The following CPA6 variants were observed in gnomAD, a reference collection of about 807,000 sequenced individuals.
CPA6 encodes carboxypeptidase A6.
A neutral mutation model predicts 63.3 loss-of-function variants in CPA6; 58 were observed. The observed-to-expected ratio is 0.92, with a 90% CI of 0.74 to 1.14. The LOEUF (loss-of-function observed/expected upper bound fraction) is 1.14, where lower values mean the gene tolerates loss of function less well. CPA6 is among the 50% of genes most tolerant of loss of function. CPA6 has a pLI of 0.00. For synonymous variants in CPA6, 185 were observed against 179.0 expected, an observed-to-expected ratio of 1.03 and a Z score of -0.27; for missense variants, 565 against 526.6, an observed-to-expected ratio of 1.07 and a Z score of -0.71.
chr8:67,717,852 C>T (rs894347177), intron 1 of CPA6, among the ~76,000 whole-genome samples: 1 of 152,090 alleles, frequency 6.6e-6, no homozygotes, highest in African/African-American at 2.4e-5. Flanking sequence ...AGGGAGTTGG[C>T]CATAAACTGG....
At chr8:67,555,859 G>A (rs1011716152) in intron 2 of CPA6, among the ~76,000 whole-genome samples, 12 of 152,156 alleles carry the variant, frequency 7.9e-5, no homozygotes, top group African/African-American at 2.4e-4. Flanking sequence ...AAAACCATAC[G>A]CATATTATAT....
chr8:67,426,741 C>T (rs1037337941), intron 10 of CPA6, among the ~76,000 whole-genome samples: 1 of 152,182 alleles, frequency 6.6e-6, no homozygotes, highest in African/African-American at 2.4e-5. Context: ...CATATACATA[C>T]AACATGTGTG....
chr8:67,601,735 G>A lies in CPA6; in HGVS notation c.192+22441C>T, dbSNP rs565206919. On this transcript the variant is annotated intron_variant, in intron 2 of 10. Coordinates refer to ENST00000297770, the MANE Select transcript of CPA6 (RefSeq NM_020361.5). ...AAATAGCTTGATTGTACCATATGTT[G>A]GCAAGGGAGTAGCGAAATAGGAATT... is the stretch of plus-strand genomic sequence containing the variant. 9.7e-4 allele frequency among the ~76,000 whole-genome samples: 148 copies of A among 152,154 alleles called. 1 individual carries two copies. The highest frequency in any genetic ancestry group is 3.5e-3 in the African/African-American group (144 of 41,538).
intron 1 of CPA6, among the ~76,000 whole-genome samples, chr8:67,723,172 G>T (rs548407189): frequency 6.6e-6 from 1 of 151,756 alleles, no homozygotes; most frequent in Non-Finnish European, 1.5e-5. Context: ...TATTGTTCCC[G>T]TACTGATGGA....
chr8:67,588,864 G>T (rs1814021916), intron 2 of CPA6, among the ~76,000 whole-genome samples: 1 of 152,144 alleles, frequency 6.6e-6, no homozygotes, highest in African/African-American at 2.4e-5. Flanking sequence ...TTGGGGCCAG[G>T]GGTGGTGGCT....
intron 1 of CPA6, among the ~76,000 whole-genome samples, chr8:67,736,834 A>C (rs896382240): frequency 6.6e-6 from 1 of 152,198 alleles, no homozygotes; most frequent in Non-Finnish European, 1.5e-5. Flanking sequence ...TTCTCTGCAA[A>C]GGGCAGTCTA....
chr8:67,619,851 C>G (rs1815040452), intron 2 of CPA6, among the ~76,000 whole-genome samples: 1 of 152,236 alleles, frequency 6.6e-6, no homozygotes, highest in African/African-American at 2.4e-5. Flanking sequence ...GACCCTAACC[C>G]AACCTCCTTG....
chr8:67,668,153 C>T (rs759239741), intron 1 of CPA6, among the ~76,000 whole-genome samples: 30 of 152,226 alleles, frequency 2.0e-4, no homozygotes, highest in Non-Finnish European at 3.4e-4. Flanking sequence ...GCTCAACATG[C>T]TTTGCCTCCA....
chr8:67,546,835 C>CT (rs986955042), intron 2 of CPA6, among the ~76,000 whole-genome samples: 32 of 151,996 alleles, frequency 2.1e-4, no homozygotes, highest in African/African-American at 7.5e-4. Flanking sequence ...TTTACTTTAT[C>CT]TTTTTTCTGA....
rs563753582 is a variant in CPA6 at position 67,714,542 on chromosome 8, T to TA, written c.116+31471dup. The stretch of plus-strand genomic sequence containing the variant: ...AGGGAGACCCTGTCTCTAGAAAAGT[T>TA]AAAAAAAATCAGCCAGGTGTGGTGG... On this transcript the variant is annotated intron_variant, in intron 1 of 10. Transcript: ENST00000297770. 1.9e-4 allele frequency among the ~76,000 whole-genome samples: 29 copies of TA among 152,092 alleles called. No individual in the cohort carries two copies. The South Asian group carries it at 2.1e-3, about 11-fold the overall frequency.
At chr8:67,692,152 C>T (rs1011445710) in intron 1 of CPA6, among the ~76,000 whole-genome samples, 1 of 152,016 alleles carries the variant, frequency 6.6e-6, no homozygotes, top group Non-Finnish European at 1.5e-5. Context: ...GCCTGACCAA[C>T]GTGGAGAAAC....
At chr8:67,580,392 C>A (rs968065642) in intron 2 of CPA6, among the ~76,000 whole-genome samples, 45 of 152,168 alleles carry the variant, frequency 3.0e-4, no homozygotes, top group African/African-American at 1.0e-3. Flanking sequence ...ATTAGCTTTG[C>A]CTTTCAGTAA....
At chr8:67,603,992 C>G (rs1469293291) in intron 2 of CPA6, among the ~76,000 whole-genome samples, 1 of 152,062 alleles carries the variant, frequency 6.6e-6, no homozygotes, top group Non-Finnish European at 1.5e-5. Flanking sequence ...GGTGTGTGAA[C>G]AGTAATTTGA....
intron 8 of CPA6, among the ~76,000 whole-genome samples, chr8:67,471,896 GA>G (rs1219173958): frequency 6.6e-6 from 1 of 152,142 alleles, no homozygotes; most frequent in African/African-American, 2.4e-5. Flanking sequence ...TAATGCTTAT[GA>G]GATGATAAAA....
intron 8 of CPA6, among the ~76,000 whole-genome samples, chr8:67,466,986 CA>C (rs1288142827): frequency 1.3e-5 from 2 of 152,120 alleles, no homozygotes; most frequent in African/African-American, 4.8e-5. Context: ...CAATAATATA[CA>C]TTCTTTTATT....
intron 1 of CPA6, among the ~76,000 whole-genome samples, chr8:67,726,659 T>C (rs1307982583): frequency 1.3e-5 from 2 of 152,360 alleles, no homozygotes; most frequent in Admixed American, 1.3e-4. Context: ...TACTGTGATA[T>C]TGAGACCACT....
At position 67,623,541 on chromosome 8, in the gene CPA6, C is replaced by T. The variant is rs182720782; in HGVS notation, c.192+635G>A. Among the ~76,000 whole-genome samples the T allele has an allele frequency of 3.6e-4, 55 of 152,224 alleles. No homozygotes were observed. In the East Asian group the frequency reaches 0.01, roughly 28 times the overall value. On this transcript the variant is annotated intron_variant, in intron 2 of 10. Coordinates refer to ENST00000297770, the MANE Select transcript of CPA6 (RefSeq NM_020361.5). ...CAACCTCCCAGGTTCAACTGACCCT[C>T]CCATCTCAGCCTCTCTAGTAGCTGG... is the stretch of plus-strand genomic sequence containing the variant.
chr8:67,593,400 T>C (rs937800403), intron 2 of CPA6, among the ~76,000 whole-genome samples: 11 of 152,274 alleles, frequency 7.2e-5, no homozygotes, highest in Non-Finnish European at 1.6e-4. Context: ...GTCTATTAGG[T>C]CCGCTTGGTG....
rs1041969305 is a variant in CPA6, at chr8:67,634,313, G to A, written c.117-10062C>T. ...CGGCTCACTACAAGCTCCGCCTCCC[G>A]CATTCTCGCATTCTCCTGCCTCAGC... is the stretch of plus-strand genomic sequence containing the variant. On this transcript the variant is annotated intron_variant, in intron 1 of 10. Coordinates refer to ENST00000297770, the MANE Select transcript of CPA6 (RefSeq NM_020361.5). Among the ~76,000 whole-genome samples the A allele has an allele frequency of 2.0e-5, 3 of 148,888 alleles. No individual in the cohort carries two copies. The East Asian group carries it at 5.8e-4, about 29-fold the overall frequency.
Sources: gnomAD v4.1 joint callset for allele counts (sites outside exome capture counted in the v4.1 genomes callset) on GRCh38, gnomAD v4.1.1 for gene constraint, MANE v1.5 for transcripts, NCBI Gene and HGNC (gene_info 2026-07-23, HGNC 2026-07-21) for gene names.